CCS: variants seen among roughly 807,000 people sequenced by gnomAD.
CCS encodes the protein copper chaperone for superoxide dismutase.
In CCS, 32 loss-of-function variants were observed where a neutral mutation model predicts 35.5. That is an observed-to-expected ratio of 0.90 (90% CI 0.68 to 1.21). The LOEUF (loss-of-function observed/expected upper bound fraction) is 1.21. Ranked by LOEUF, CCS falls within the 50% of genes most tolerant of loss-of-function variation. The pLI, the probability that CCS is intolerant of heterozygous loss-of-function variation, is 0.00. For synonymous variants in CCS, 130 were observed against 147.2 expected (o/e 0.88, Z 0.84); for missense variants, 342 against 375.4 (o/e 0.91, Z 0.73).
In CCS at chr11:66,605,793, C is replaced by A; in HGVS notation, c.763C>A (p.Arg255=). ...CGATGGCCTCACCATCTGGGAGGAGCGAGGCCGGCCCATCGCTGGCAAGGG... is the reference window on the plus strand; with the variant it reads ...CGATGGCCTCACCATCTGGGAGGAGAGAGGCCGGCCCATCGCTGGCAAGGG... ...SCDGLTIWEE[R]GRPIAGKGRK... The change falls in exon 8 of 8, where the codon CGA becomes AGA. Residue 255 remains arginine (R), a synonymous_variant. Coordinates refer to ENST00000533244, the MANE Select transcript of CCS (RefSeq NM_005125.2). 1 of 1,603,586 alleles carries A rather than the reference C, an allele frequency of 6.2e-7. No individual in the cohort carries two copies. Among genetic ancestry groups the A allele is most frequent in the Non-Finnish European group, 8.5e-7 (1 of 1,174,760 alleles).
At chr11:66,605,169 C>A in intron 5 of CCS, 170 bp from the exon 6 acceptor site, 2 of 1,536,302 alleles carry the variant, frequency 1.3e-6, no homozygotes, top group Non-Finnish European at 1.7e-6. Context: ...GCCAAGAGGA[C>A]CTTGCCTGCC....
At chr11:66,602,179 T>C (rs770318913) in intron 5 of CCS, among the ~76,000 whole-genome samples, 13 of 152,186 alleles carry the variant, frequency 8.5e-5, no homozygotes, top group Non-Finnish European at 1.5e-4. Flanking sequence ...ACTCCAAAGT[T>C]AGGAGTTTAA....
rs1858638538 is a variant in CCS at position 66,605,394 on chromosome 11, G to A, written c.545G>A (p.Arg182Lys). The A allele has an allele frequency of 6.2e-7, 1 of 1,614,102 alleles. No homozygotes were observed. Among genetic ancestry groups the A allele is most frequent in the Admixed American group, 1.7e-5 (1 of 60,008 alleles). Reference sequence around the variant, plus strand: ...GATGCTGACGGCCGCGCCATCTTCAGAATGGAGGATGAGCAGCTGAAGGTA... The same window carrying A: ...GATGCTGACGGCCGCGCCATCTTCAAAATGGAGGATGAGCAGCTGAAGGTA... ...RADADGRAIFRMEDEQLKVWD... is the reference protein window; with the variant it reads ...RADADGRAIFKMEDEQLKVWD... Residue 182 changes from arginine (R) to lysine (K), a missense_variant, in exon 6 of 8, where the codon AGA becomes AAA. By Grantham distance (26) the Arg-to-Lys change is conservative. Transcript: ENST00000533244.
intron 4 of CCS, chr11:66,599,839 G>A: frequency 1.9e-6 from 1 of 533,112 alleles, no homozygotes; most frequent in East Asian, 3.7e-5. Context: ...GACCTTGGCT[G>A]GGCACAGTAG....
chr11:66,601,178 C>T (rs1460318217), intron 5 of CCS, among the ~76,000 whole-genome samples: 1 of 152,118 alleles, frequency 6.6e-6, no homozygotes, highest in Non-Finnish European at 1.5e-5. Flanking sequence ...TTGCAACCTC[C>T]GCCTCCCAAG....
At chr11:66,600,381 T>TTGAATGAA (rs549083639) in intron 4 of CCS, 108 bp from the exon 5 acceptor site, 32 of 693,590 alleles carry the variant, frequency 4.6e-5, no homozygotes, top group African/African-American at 3.3e-4. Flanking sequence ...GGCCTGTTTG[T>TTGAATGAA]TGAATGAATG....
rs969945890 is a variant in CCS, at chr11:66,599,322, T to C, written c.250+69T>C. On this transcript the variant is annotated intron_variant, in intron 3 of 7. Transcript: ENST00000533244. The stretch of plus-strand genomic sequence containing the variant: ...CTCAGAGCTGGTACAAATCTAATCA[T>C]AGGATTCTCAGGCTCTGGGTTGGAG... The C allele has an allele frequency of 1.5e-5, 23 of 1,514,724 alleles. No individual in the cohort carries two copies. The African/African-American group carries it at 3.2e-4, about 21-fold the overall frequency. 93.8% of individuals were successfully genotyped at this position (1,514,724 alleles called of 1,614,324 possible).
At chr11:66,601,072 T>C (rs1435904620) in intron 5 of CCS, among the ~76,000 whole-genome samples, 1 of 152,216 alleles carries the variant, frequency 6.6e-6, no homozygotes, top group Non-Finnish European at 1.5e-5. Context: ...GTTGTATTTT[T>C]AGTTACTCAA....
intron 2 of CCS, among the ~76,000 whole-genome samples, chr11:66,596,362 T>A (rs1858476471): frequency 6.7e-6 from 1 of 149,008 alleles, no homozygotes; most frequent in Non-Finnish European, 1.5e-5. Context: ...CCACCACGCC[T>A]GGCCATCTGA....
intron 4 of CCS, 35 bp downstream of exon 4, chr11:66,599,671 A>C: frequency 7.5e-6 from 12 of 1,590,858 alleles, no homozygotes; most frequent in Non-Finnish European, 9.4e-6. Flanking sequence ...TAGCATTCTC[A>C]GCTACACATT....
At chr11:66,603,845 C>CAACAAAACAAAACAAAACAA in intron 5 of CCS, among the ~76,000 whole-genome samples, 1 of 151,614 alleles carries the variant, frequency 6.6e-6, no homozygotes, top group South Asian at 2.1e-4. Context: ...GACTCCATCT[C>CAACAAAACAAAACAAAACAA]AACAAAACAA....
chr11:66,593,352 CT>C lies in CCS; in HGVS notation c.39+53del, dbSNP rs748607908. ...CTCGCCGGGCAGAGAGCCTCGGCCCCTGGGATGATCGTTACCTTGGGAAGAG... is the reference window on the plus strand; with the variant it reads ...CTCGCCGGGCAGAGAGCCTCGGCCCCGGGATGATCGTTACCTTGGGAAGAG... On this transcript the variant is annotated intron_variant, in intron 1 of 7. Coordinates refer to ENST00000533244, the MANE Select transcript of CCS (RefSeq NM_005125.2). 18 of 1,457,236 alleles carry C rather than the reference CT, an allele frequency of 1.2e-5. No homozygotes were observed. The East Asian group carries it at 3.7e-4, about 30-fold the overall frequency. The allele number at this position is 1,457,236 out of a possible 1,614,324, so 90.3% of individuals were successfully genotyped here. A position where few individuals can be genotyped will look rare whatever the true frequency, so the allele number is the denominator to read the frequency against.
At chr11:66,601,555 TCTCCC>T (rs1279865651) in intron 5 of CCS, among the ~76,000 whole-genome samples, 2 of 151,640 alleles carry the variant, frequency 1.3e-5, no homozygotes, top group South Asian at 2.1e-4. Flanking sequence ...CCTTTTCCTT[TCTCCC>T]CTCCCCTCCC....
chr11:66,596,939 C>T (rs1858487483), intron 2 of CCS, among the ~76,000 whole-genome samples: 1 of 152,212 alleles, frequency 6.6e-6, no homozygotes, highest in East Asian at 1.9e-4. Context: ...TCCAGTTGCA[C>T]AACTTACTAC....
chr11:66,599,530 C>G lies in CCS; in HGVS notation c.322C>G (p.Leu108Val), dbSNP rs932871572. 1.6e-5 allele frequency: 25 copies of G among 1,595,976 alleles called. No homozygotes were observed. The highest frequency in any genetic ancestry group is 2.1e-5 in the Non-Finnish European group (25 of 1,172,734). Residue 108 changes from leucine (L) to valine (V), a missense_variant, in exon 4 of 8, where the codon CTG (leucine) becomes GTG (valine). Coordinates refer to ENST00000533244, the MANE Select transcript of CCS (RefSeq NM_005125.2). ...TVQGVVRFLQ[L>V]TPERCLIEGT... ...GCAGGGGGTGGTGCGCTTCCTACAG[C>G]TGACCCCTGAGCGCTGCCTCATCGA...
chr11:66,606,002 T>C lies in CCS; in HGVS notation c.*147T>C, dbSNP rs969464081. The C allele has an allele frequency of 3.8e-5, 32 of 850,530 alleles. No homozygotes were observed. The Admixed American group carries it at 1.1e-3, about 30-fold the overall frequency. 52.7% of individuals were successfully genotyped at this position (850,530 alleles called of 1,614,324 possible). A position where few individuals can be genotyped will look rare whatever the true frequency, so the allele number is the denominator to read the frequency against. On this transcript the variant is annotated 3_prime_UTR_variant, in exon 8 of 8. Coordinates refer to ENST00000533244, the MANE Select transcript of CCS (RefSeq NM_005125.2). ...GTGGTGTTCCCTTGGCAAATGAAAG[T>C]TTTATTTTCGTTTGGGACTTGGTGT... is the stretch of plus-strand genomic sequence containing the variant.
chr11:66,604,052 A>AATT (rs1565062412), intron 5 of CCS, among the ~76,000 whole-genome samples: 107 of 138,178 alleles, frequency 7.7e-4, no homozygotes, highest in African/African-American at 2.5e-3. Flanking sequence ...ATAAATAAAT[A>AATT]AATTAATTAA....
chr11:66,593,362 C>A, intron 1 of CCS, 62 bp downstream of exon 1: 1 of 1,438,368 alleles, frequency 7.0e-7, no homozygotes, highest in Non-Finnish European at 9.2e-7. Flanking sequence ...CTGGGATGAT[C>A]GTTACCTTGG....
At chr11:66,599,329 C>A in intron 3 of CCS, 76 bp downstream of exon 3, 5 of 1,511,386 alleles carry the variant, frequency 3.3e-6, no homozygotes. Flanking sequence ...TCATAGGATT[C>A]TCAGGCTCTG....
Sources: allele counts gnomAD v4.1 joint callset (sites outside exome capture counted in the v4.1 genomes callset), GRCh38; gene constraint gnomAD v4.1.1; transcripts MANE v1.5; gene names NCBI Gene and HGNC (gene_info 2026-07-23, HGNC 2026-07-21).